The following COL4A3 variants were observed in gnomAD, a reference collection of about 807,000 sequenced individuals.
COL4A3 encodes the protein collagen alpha-3(IV) chain.
Under a neutral mutation model 217.4 loss-of-function variants are expected in COL4A3, and 135 were observed. The ratio of observed to expected loss-of-function variants is 0.62; its 90% CI spans 0.54 to 0.72. The LOEUF (loss-of-function observed/expected upper bound fraction) is 0.72, where lower values mean the gene tolerates loss of function less well. COL4A3 is among the 30% of genes least tolerant of loss of function. COL4A3 has a pLI of 0.00. For missense variants in COL4A3, 1,868 were observed against 2,119.9 expected, an observed-to-expected ratio of 0.88 and a Z score of 2.33; for synonymous variants, 690 against 736.3, an observed-to-expected ratio of 0.94 and a Z score of 1.02.
Position 227,253,755 on chromosome 2 carries a change from C to A in COL4A3, c.765+117C>A. 1.1e-6 allele frequency: 1 copy of A among 906,790 alleles called. No individual in the cohort carries two copies. Among genetic ancestry groups the A allele is most frequent in the South Asian group, 1.3e-5 (1 of 76,174 alleles). The allele number at this position is 906,790 out of a possible 1,614,324, so 56.2% of individuals were successfully genotyped here. A position where few individuals can be genotyped will look rare whatever the true frequency, so the allele number is the denominator to read the frequency against. ...TCTAAGTCCAGCTCAGCCCAGCTCC[C>A]TCAGCCAGCCAGAACCTCCAGGATT... On this transcript the variant is annotated intron_variant, in intron 13 of 51. Transcript: ENST00000396578. The surrounding 1 kb of genome is among the most constrained non-coding windows in gnomAD (Gnocchi z 4.4).
chr2:227,279,354 T>C (rs2071797969), intron 28 of COL4A3: 1 of 154,318 alleles, frequency 6.5e-6, no homozygotes, highest in South Asian at 2.0e-4. Context: ...CAGTCTCAAG[T>C]GATCCACCCA....
Position 227,311,851 on chromosome 2 carries a change from G to A in COL4A3, c.4994G>A (p.Cys1665Tyr), listed in dbSNP as rs376550779. 119 of 1,613,784 alleles carry A rather than the reference G, an allele frequency of 7.4e-5. No homozygotes were observed. The highest frequency in any genetic ancestry group is 9.8e-5 in the Non-Finnish European group (116 of 1,179,860). Residue 1665 changes from cysteine (C) to tyrosine (Y), a missense_variant, in exon 52 of 52, where the codon TGC becomes TAC. Cys to Tyr is a radical substitution (Grantham distance 194, BLOSUM62 -2). Transcript: ENST00000396578. ...LEKIISRCQV[C>Y]MKKRH ...AAAATAATAAGTCGCTGTCAGGTGT[G>A]CATGAAGAAAAGACACTGAAGCTAA...
intron 1 of COL4A3, among the ~76,000 whole-genome samples, chr2:227,220,086 A>G (rs2067701709): frequency 6.7e-6 from 1 of 149,462 alleles, no homozygotes; most frequent in Admixed American, 6.6e-5. Context: ...AATTTCCACA[A>G]TGATTCTTCC....
chr2:227,256,585 G>A (rs1306775639), intron 17 of COL4A3, 189 bp downstream of exon 17: 1 of 755,996 alleles, frequency 1.3e-6, no homozygotes, highest in Non-Finnish European at 2.4e-6. Context: ...TGTTCTTGAG[G>A]AAAAGGTATT....
intron 1 of COL4A3, among the ~76,000 whole-genome samples, chr2:227,230,470 A>G (rs372310354): frequency 1.3e-5 from 2 of 152,326 alleles, no homozygotes; most frequent in African/African-American, 4.8e-5. Flanking sequence ...AATCATAAAA[A>G]TGTTGCTTAA....
intron 1 of COL4A3, among the ~76,000 whole-genome samples, chr2:227,220,134 TTATGTGTGTGTGTG>T (rs931954614): frequency 5.1e-5 from 5 of 98,260 alleles, no homozygotes; most frequent in African/African-American, 1.9e-4. Flanking sequence ...TAAGGCGGTT[TTATGTGTGTGTGTG>T]TGTGTGTGTG....
intron 1 of COL4A3, among the ~76,000 whole-genome samples, chr2:227,209,764 C>A (rs891378671): frequency 1.1e-4 from 16 of 152,192 alleles, no homozygotes; most frequent in African/African-American, 3.9e-4. Context: ...ATCACTTGAA[C>A]CTGGGAGGCG....
chr2:227,299,201 C>T (rs951822528), intron 43 of COL4A3, among the ~76,000 whole-genome samples: 2 of 152,336 alleles, frequency 1.3e-5, no homozygotes, highest in South Asian at 4.1e-4. Context: ...CGAGACCATC[C>T]TGGCTAACAT....
intron 1 of COL4A3, among the ~76,000 whole-genome samples, chr2:227,180,620 G>A (rs924509793): frequency 6.6e-6 from 1 of 152,142 alleles, no homozygotes; most frequent in Non-Finnish European, 1.5e-5. Flanking sequence ...ACAGTTTTGG[G>A]CAAGTCACTA....
intron 34 of COL4A3, among the ~76,000 whole-genome samples, chr2:227,286,713 C>A (rs762447954): frequency 6.6e-6 from 1 of 152,160 alleles, no homozygotes; most frequent in Non-Finnish European, 1.5e-5. Context: ...TCAGTGAAAC[C>A]TCCATAAAAG....
intron 25 of COL4A3, among the ~76,000 whole-genome samples, chr2:227,271,692 G>A (rs1378152763): frequency 2.0e-5 from 3 of 151,916 alleles, no homozygotes; most frequent in African/African-American, 4.8e-5. Flanking sequence ...GGCTGGTCTC[G>A]AACTCCTGAC....
intron 1 of COL4A3, among the ~76,000 whole-genome samples, chr2:227,219,130 G>A (rs943637277): frequency 1.3e-5 from 2 of 152,096 alleles, no homozygotes; most frequent in Admixed American, 1.3e-4. Flanking sequence ...AAGTAGCTGG[G>A]ATTACAGGCA....
chr2:227,199,387 T>A (rs2066601058), intron 1 of COL4A3, among the ~76,000 whole-genome samples: 1 of 152,218 alleles, frequency 6.6e-6, no homozygotes, highest in Non-Finnish European at 1.5e-5. Context: ...TGGCATACTA[T>A]CATCCTAGAA....
intron 1 of COL4A3, among the ~76,000 whole-genome samples, chr2:227,172,028 T>TGTATACGTGTTCACTTGAGAC (rs2065494923): frequency 6.6e-6 from 1 of 152,176 alleles, no homozygotes; most frequent in Non-Finnish European, 1.5e-5. Context: ...TCACTGGAGT[T>TGTATACGTGTTCACTTGAGAC]GTATACGTGT....
intron 1 of COL4A3, among the ~76,000 whole-genome samples, chr2:227,185,015 T>C (rs2065979325): frequency 6.6e-6 from 1 of 150,444 alleles, no homozygotes; most frequent in Admixed American, 6.6e-5. Context: ...CATTCTCCTG[T>C]CTCAGCCTCC....
At position 227,257,460 on chromosome 2, in the gene COL4A3, G is replaced by A; in HGVS notation, c.988-143G>A. 5 of 724,548 alleles carry A rather than the reference G, an allele frequency of 6.9e-6. No individual in the cohort carries two copies. The South Asian group carries it at 7.9e-5, about 11-fold the overall frequency. 44.9% of individuals were successfully genotyped at this position (724,548 alleles called of 1,614,324 possible). A position where few individuals can be genotyped will look rare whatever the true frequency, so the allele number is the denominator to read the frequency against. ...GCGCTCTCCAGGAAAATAATTTAAA[G>A]TCAGTGTCTCTTTAACTTTAATTTG... is the stretch of plus-strand genomic sequence containing the variant. On this transcript the variant is annotated intron_variant, in intron 17 of 51. Transcript: ENST00000396578.
intron 47 of COL4A3, 59 bp from the exon 48 acceptor site, chr2:227,307,651 G>GA (rs35670104): frequency 1.1e-5 from 15 of 1,412,602 alleles, no homozygotes; most frequent in Non-Finnish European, 1.5e-5. Flanking sequence ...TTAGTACTTT[G>GA]AAAAAACGAG....
At chr2:227,246,112 A>G in intron 6 of COL4A3, 96 bp downstream of exon 6, 1 of 979,008 alleles carries the variant, frequency 1.0e-6, no homozygotes, top group East Asian at 2.5e-5. Context: ...GCTTCCCTTG[A>G]AAACATTCCT....
intron 38 of COL4A3, chr2:227,293,767 C>CT: frequency 2.1e-6 from 1 of 470,690 alleles, no homozygotes. Flanking sequence ...AGTCTGTGAT[C>CT]AAGCTGTCGG....
Sources: allele counts gnomAD v4.1 joint callset (sites outside exome capture counted in the v4.1 genomes callset), GRCh38; gene constraint gnomAD v4.1.1; non-coding constraint Gnocchi (gnomAD v3.1); transcripts MANE v1.5; gene names NCBI Gene and HGNC (gene_info 2026-07-23, HGNC 2026-07-21).